Variants in NCOR1 observed in about 807,000 individuals in gnomAD.
The protein encoded by NCOR1 is nuclear receptor corepressor 1.
NCOR1 carries 63 observed loss-of-function variants against 288.1 expected under a neutral mutation model. That is an observed-to-expected ratio of 0.22 (90% CI 0.18 to 0.27). The LOEUF (loss-of-function observed/expected upper bound fraction) is 0.27. Among genes scored for constraint, NCOR1 ranks in the 10% least tolerant of loss-of-function variants. NCOR1 has a pLI of 1.00. For synonymous variants in NCOR1, 1,007 were observed against 1,065.9 expected, an observed-to-expected ratio of 0.94 and a Z score of 1.08; for missense variants, 2,397 against 3,019.2, an observed-to-expected ratio of 0.79 and a Z score of 4.83.
intron 14 of NCOR1, among the ~76,000 whole-genome samples, chr17:16,127,614 T>C (rs766007179): frequency 2.3e-4 from 32 of 139,384 alleles, no homozygotes; most frequent in Non-Finnish European, 3.6e-4. Flanking sequence ...TACATATGTG[T>C]ATGTGTATAT....
chr17:16,150,030 G>A (rs996480741), intron 8 of NCOR1, among the ~76,000 whole-genome samples: 1 of 152,058 alleles, frequency 6.6e-6, no homozygotes, highest in South Asian at 2.1e-4. Context: ...AAGAAGTAAT[G>A]GAGGGCAATG....
Position 16,072,240 on chromosome 17 carries a change from A to AT in NCOR1, c.3812-13_3812-12insA. The stretch of plus-strand genomic sequence containing the variant: ...TCGGCATATCAGCCCTTCCAAAACA[A>AT]GAAAGCAATTCAATTATTCAACATA... On this transcript the variant is annotated splice_polypyrimidine_tract_variant and intron_variant, in intron 28 of 45. Transcript: ENST00000268712. The AT allele has an allele frequency of 1.9e-6, 3 of 1,595,950 alleles. No homozygotes were observed. The highest frequency in any genetic ancestry group is 2.6e-6 in the Non-Finnish European group (3 of 1,166,114).
At chr17:16,115,444 G>A (rs1349927148) in intron 18 of NCOR1, among the ~76,000 whole-genome samples, 7 of 152,226 alleles carry the variant, frequency 4.6e-5, no homozygotes, top group South Asian at 2.1e-4. Flanking sequence ...TTTCTATCAC[G>A]TTGTTAGGCT....
chr17:16,040,514 C>G lies in NCOR1; in HGVS notation c.6680-20G>C. On this transcript the variant is annotated intron_variant, in intron 42 of 45. Transcript: ENST00000268712. ...CAGCTGCTATATTTAAGCAAACATT[C>G]AAGTTAATTAAGATGTGATAATCAT... The G allele has an allele frequency of 6.2e-7, 1 of 1,609,216 alleles. No individual in the cohort carries two copies. The highest frequency in any genetic ancestry group is 8.5e-7 in the Non-Finnish European group (1 of 1,176,750).
chr17:16,049,971 G>A (rs1483490358), intron 40 of NCOR1, among the ~76,000 whole-genome samples: 2 of 152,164 alleles, frequency 1.3e-5, no homozygotes, highest in African/African-American at 4.8e-5. Context: ...GCTCACTGCA[G>A]CCTCAAACTC....
intron 27 of NCOR1, 98 bp from the exon 28 acceptor site, chr17:16,073,667 A>T: frequency 1.0e-6 from 1 of 988,558 alleles, no homozygotes; most frequent in Non-Finnish European, 1.3e-6. Context: ...AAAAATAATA[A>T]TATTAAAACT....
intron 30 of NCOR1, 96 bp downstream of exon 30, chr17:16,071,306 AGGAGGTC>A (rs2061736252): frequency 3.4e-6 from 5 of 1,458,548 alleles, no homozygotes; most frequent in Non-Finnish European, 4.6e-6. Flanking sequence ...GTTTACTTCC[AGGAGGTC>A]TGACATCATA....
At chr17:16,040,353 G>T in intron 43 of NCOR1, 88 bp downstream of exon 43, 1 of 1,060,444 alleles carries the variant, frequency 9.4e-7, no homozygotes, top group Non-Finnish European at 1.5e-6. Flanking sequence ...CACTCCCCTG[G>T]TATACAGTTG....
chr17:16,135,645 A>G (rs1201482059), intron 14 of NCOR1, among the ~76,000 whole-genome samples: 4 of 152,130 alleles, frequency 2.6e-5, no homozygotes, highest in African/African-American at 7.2e-5. Flanking sequence ...GGCTTACTCA[A>G]CCTCTAACAG....
At chr17:16,114,154 A>AC (rs1311522366) in intron 18 of NCOR1, among the ~76,000 whole-genome samples, 4 of 133,518 alleles carry the variant, frequency 3.0e-5, no homozygotes, top group African/African-American at 7.7e-5. Context: ...AAAAAAAAAA[A>AC]AAAAAAAAAA....
intron 3 of NCOR1, among the ~76,000 whole-genome samples, chr17:16,175,505 ATACTT>A (rs1417256306): frequency 4.6e-5 from 7 of 152,204 alleles, no homozygotes; most frequent in Admixed American, 4.6e-4. Context: ...TTAAATAACT[ATACTT>A]TATCATTCGA....
intron 8 of NCOR1, among the ~76,000 whole-genome samples, chr17:16,150,496 C>T (rs1389455509): frequency 6.6e-6 from 1 of 152,106 alleles, no homozygotes; most frequent in Non-Finnish European, 1.5e-5. Context: ...GTATACGTTA[C>T]TCAAAAGCAA....
chr17:16,157,213 GA>G (rs1460807674), intron 6 of NCOR1, among the ~76,000 whole-genome samples: 1 of 151,964 alleles, frequency 6.6e-6, no homozygotes, highest in Non-Finnish European at 1.5e-5. Context: ...GTATATCCTG[GA>G]ACACAGCCCC....
intron 19 of NCOR1, among the ~76,000 whole-genome samples, chr17:16,103,430 C>T (rs199622722): frequency 1.3e-5 from 2 of 152,234 alleles, no homozygotes; most frequent in East Asian, 3.9e-4. Context: ...CAGATTTTAC[C>T]ACAATAACTC....
intron 5 of NCOR1, among the ~76,000 whole-genome samples, chr17:16,161,040 G>T (rs867407297): frequency 7.9e-5 from 12 of 152,090 alleles, no homozygotes; most frequent in African/African-American, 2.9e-4. Flanking sequence ...ACAAGCAAAA[G>T]AAAGATATTT....
chr17:16,127,373 GTA>G (rs1234665889), intron 14 of NCOR1, among the ~76,000 whole-genome samples: 2 of 97,486 alleles, frequency 2.1e-5, no homozygotes, highest in Admixed American at 2.0e-4. Context: ...ATACATGTAT[GTA>G]TATATGTATG....
In NCOR1 at chr17:16,082,814, T is replaced by C. The variant is rs117591385; in HGVS notation, c.3178-2087A>G. Among the ~76,000 whole-genome samples, 129 of 89,982 alleles carry C rather than the reference T, an allele frequency of 1.4e-3. No individual in the cohort carries two copies. In the East Asian group the frequency reaches 0.029, roughly 20 times the overall value. The allele number at this position is 89,982 out of a possible 152,430, so 59.0% of individuals were successfully genotyped here. Reference sequence around the variant, plus strand: ...AAAGAAATCATTAAAAAGAACAAAATAGAAATTCTGGAGCTAAAAAAATAT... The same window carrying C: ...AAAGAAATCATTAAAAAGAACAAAACAGAAATTCTGGAGCTAAAAAAATAT... On this transcript the variant is annotated intron_variant, in intron 23 of 45. Coordinates refer to ENST00000268712, the MANE Select transcript of NCOR1 (RefSeq NM_006311.4).
Position 16,215,362 on chromosome 17 carries a change from C to T in NCOR1, c.-71G>A, listed in dbSNP as rs1268405639. ...GTTGCAGGCGCCAGGGCCTACTCAC[C>T]GGGAGCTGGCTAAGCGTGGGAGCCG... On this transcript the variant is annotated splice_region_variant and 5_prime_UTR_variant, in exon 1 of 46. Transcript: ENST00000268712. 9 of 393,994 alleles carry T rather than the reference C, an allele frequency of 2.3e-5. No homozygotes were observed. Among genetic ancestry groups the T allele is most frequent in the Non-Finnish European group, 3.6e-5 (8 of 223,330 alleles). 24.4% of individuals were successfully genotyped at this position (393,994 alleles called of 1,614,324 possible). A position where few individuals can be genotyped will look rare whatever the true frequency, so the allele number is the denominator to read the frequency against.
intron 18 of NCOR1, among the ~76,000 whole-genome samples, chr17:16,114,376 C>G (rs1357606340): frequency 6.6e-6 from 1 of 151,988 alleles, no homozygotes; most frequent in Non-Finnish European, 1.5e-5. Context: ...GCCGCTGGCC[C>G]CTCCCACATC....
Sources: gnomAD v4.1 joint callset for allele counts (sites outside exome capture counted in the v4.1 genomes callset) on GRCh38, gnomAD v4.1.1 for gene constraint, MANE v1.5 for transcripts, NCBI Gene and HGNC (gene_info 2026-07-23, HGNC 2026-07-21) for gene names.